Variants in SPATA13 observed in about 807,000 individuals in gnomAD.
SPATA13 encodes spermatogenesis associated 13.
In SPATA13, 50 loss-of-function variants were observed where a neutral mutation model predicts 104.0. That is an observed-to-expected ratio of 0.48 (90% CI 0.38 to 0.61). SPATA13 has a LOEUF of 0.61. Ranked by LOEUF, SPATA13 falls within the 20% of genes least tolerant of loss-of-function variation. The pLI is 0.00. For synonymous variants in SPATA13, 606 were observed against 667.5 expected (o/e 0.91, Z 1.42); for missense variants, 1,524 against 1,690.6 (o/e 0.90, Z 1.73).
intron 3 of SPATA13, among the ~76,000 whole-genome samples, chr13:24,067,645 A>G (rs1458064097): frequency 6.6e-6 from 1 of 152,216 alleles, no homozygotes; most frequent in East Asian, 1.9e-4. Flanking sequence ...GTGTCACCTC[A>G]GGAACAGAAT....
intron 1 of SPATA13, among the ~76,000 whole-genome samples, chr13:24,173,492 A>C (rs1394067141): frequency 7.3e-6 from 1 of 137,676 alleles, no homozygotes; most frequent in African/African-American, 2.8e-5. Context: ...TACGCCTTTT[A>C]TTCCCCCCCG....
chr13:24,231,645 C>T (rs373104805), intron 2 of SPATA13, among the ~76,000 whole-genome samples: 38 of 152,266 alleles, frequency 2.5e-4, no homozygotes, highest in African/African-American at 9.1e-4. Context: ...GGTCTTGTGA[C>T]ATTTCTATGT....
chr13:24,031,853 T>G (rs1230124490), intron 3 of SPATA13, among the ~76,000 whole-genome samples: 1 of 152,228 alleles, frequency 6.6e-6, no homozygotes, highest in African/African-American at 2.4e-5. Flanking sequence ...CAAGATATTC[T>G]GTGTACCATA....
intron 1 of SPATA13, among the ~76,000 whole-genome samples, chr13:24,163,255 C>T (rs988386537): frequency 2.0e-5 from 3 of 152,086 alleles, no homozygotes; most frequent in East Asian, 1.9e-4. Flanking sequence ...AAGAAATCAG[C>T]TGGTTGTGAT....
At position 24,201,326 on chromosome 13, in the gene SPATA13, CT is replaced by C. The variant is rs201467350; in HGVS notation, c.-111-21492del. The stretch of plus-strand genomic sequence containing the variant: ...TTTAGGTTTATAGAAAAACTACCCC[CT>C]CTCCCCTGTTCACTGTTTCTTTTAT... On this transcript the variant is annotated intron_variant, in intron 1 of 12. Coordinates refer to ENST00000382108, the MANE Select transcript of SPATA13 (RefSeq NM_001166271.3). Among the ~76,000 whole-genome samples, 1,200 of 152,186 alleles carry C rather than the reference CT, an allele frequency of 7.9e-3. 16 individuals are homozygous for C. Among genetic ancestry groups the C allele is most frequent in the African/African-American group, 0.026 (1,088 of 41,494 alleles).
At chr13:24,278,988 C>CCCTCCCTCCCTCCCTG (rs1566188406) in intron 4 of SPATA13, among the ~76,000 whole-genome samples, 4 of 87,216 alleles carry the variant, frequency 4.6e-5, no homozygotes, top group African/African-American at 1.5e-4. Flanking sequence ...CTCCCTCCCT[C>CCCTCCCTCCCTCCCTG]CCTCCCTTCC....
chr13:23,989,885 G>A (rs941232387), intron 2 of SPATA13, among the ~76,000 whole-genome samples: 4 of 152,182 alleles, frequency 2.6e-5, no homozygotes, highest in Non-Finnish European at 4.4e-5. Context: ...ATGTGAGGAT[G>A]CAGTGAGATG....
chr13:24,182,911 A>C (rs1235801578), intron 1 of SPATA13, among the ~76,000 whole-genome samples: 1 of 152,192 alleles, frequency 6.6e-6, no homozygotes, highest in Non-Finnish European at 1.5e-5. Flanking sequence ...AGGCAAAGGC[A>C]GCTCACCGAG....
chr13:24,198,276 A>G (rs963328603), intron 1 of SPATA13, among the ~76,000 whole-genome samples: 7 of 152,242 alleles, frequency 4.6e-5, no homozygotes, highest in Non-Finnish European at 1.0e-4. Context: ...TACAGGCGTG[A>G]GCCACCGCAC....
Position 24,298,226 on chromosome 13 carries a change from G to A in SPATA13, c.3583+491G>A, listed in dbSNP as rs967670521. ...TCACCCAGGCTATCAGAAGTATCAC[G>A]TGATTCTGGAGGCCTCCCCTTTGGC... On this transcript the variant is annotated intron_variant, in intron 11 of 12. Coordinates refer to ENST00000382108, the MANE Select transcript of SPATA13 (RefSeq NM_001166271.3). 3.9e-5 allele frequency among the ~76,000 whole-genome samples: 6 copies of A among 152,266 alleles called. No individual in the cohort carries two copies. In the East Asian group the frequency reaches 9.7e-4, roughly 25 times the overall value.
chr13:24,085,765 A>G (rs1353847417), intron 3 of SPATA13, among the ~76,000 whole-genome samples: 1 of 152,210 alleles, frequency 6.6e-6, no homozygotes, highest in Non-Finnish European at 1.5e-5. Flanking sequence ...TGGGAATGCC[A>G]GCCTCTTGCT....
rs187304566 is a variant in SPATA13, at chr13:24,286,539, C to G, written c.2481+146C>G. On this transcript the variant is annotated intron_variant, in intron 6 of 12. Coordinates refer to ENST00000382108, the MANE Select transcript of SPATA13 (RefSeq NM_001166271.3). The surrounding 1 kb of genome is among the most constrained non-coding windows in gnomAD (Gnocchi z 4.9). ...ACACCTGTAAGAAATTAGGCTGGGTCGGAGCAAAAATGTTAAAGGCAGGCA... is the reference window on the plus strand; with the variant it reads ...ACACCTGTAAGAAATTAGGCTGGGTGGGAGCAAAAATGTTAAAGGCAGGCA... 2 of 1,018,886 alleles carry G rather than the reference C, an allele frequency of 2.0e-6. No homozygotes were observed. The highest frequency in any genetic ancestry group is 2.9e-5 in the Admixed American group (1 of 34,386). The allele number at this position is 1,018,886 out of a possible 1,614,324, so 63.1% of individuals were successfully genotyped here.
chr13:24,277,814 C>T (rs1195364515), intron 4 of SPATA13, among the ~76,000 whole-genome samples: 1 of 152,172 alleles, frequency 6.6e-6, no homozygotes, highest in Non-Finnish European at 1.5e-5. Context: ...GCGACCTAGA[C>T]AGTAAGCGTG....
At chr13:24,119,281 A>T (rs982630805) in intron 3 of SPATA13, among the ~76,000 whole-genome samples, 3 of 152,074 alleles carry the variant, frequency 2.0e-5, no homozygotes, top group Non-Finnish European at 4.4e-5. Flanking sequence ...GCTCAGAATA[A>T]CATGGCCAGT....
At chr13:24,252,500 G>A (rs11842605) in intron 4 of SPATA13, among the ~76,000 whole-genome samples, 45,619 of 151,962 alleles carry the variant, frequency 0.3, 7,024 homozygotes, top group African/African-American at 0.36. Flanking sequence ...AATCAAAAAC[G>A]TATACCATGT....
chr13:24,177,066 G>C (rs1369416206), intron 1 of SPATA13, among the ~76,000 whole-genome samples: 1 of 152,110 alleles, frequency 6.6e-6, no homozygotes, highest in Non-Finnish European at 1.5e-5. Flanking sequence ...CACCCAGCCT[G>C]TAGTATATAC....
chr13:24,015,694 C>T (rs1218776405), intron 2 of SPATA13, among the ~76,000 whole-genome samples: 1 of 151,816 alleles, frequency 6.6e-6, no homozygotes, highest in Non-Finnish European at 1.5e-5. Context: ...AGCCAGGACA[C>T]CCCCGGCCTT....
At chr13:24,191,477 C>T (rs1408575608) in intron 1 of SPATA13, among the ~76,000 whole-genome samples, 2 of 149,138 alleles carry the variant, frequency 1.3e-5, no homozygotes, top group Non-Finnish European at 3.0e-5. Context: ...GCTGTATCTC[C>T]TCTTTCTCAC....
At chr13:24,167,102 A>G (rs1882768181) in intron 1 of SPATA13, among the ~76,000 whole-genome samples, 1 of 152,212 alleles carries the variant, frequency 6.6e-6, no homozygotes, top group Admixed American at 6.5e-5. Flanking sequence ...AATTTTTGAA[A>G]GCTTCCCAAG....
Sources: gnomAD v4.1 joint callset for allele counts (sites outside exome capture counted in the v4.1 genomes callset) on GRCh38, gnomAD v4.1.1 for gene constraint, Gnocchi (gnomAD v3.1) non-coding constraint, MANE v1.5 for transcripts, NCBI Gene and HGNC (gene_info 2026-07-23, HGNC 2026-07-21) for gene names.